Variants in ZFPM2 observed in about 807,000 individuals in gnomAD.
ZFPM2 encodes the protein zinc finger protein, FOG family member 2.
Under a neutral mutation model 98.6 loss-of-function variants are expected in ZFPM2, and 20 were observed. The observed-to-expected ratio is 0.20, with a 90% CI of 0.14 to 0.29. The LOEUF (loss-of-function observed/expected upper bound fraction) is 0.29. Among genes scored for constraint, ZFPM2 ranks in the 10% least tolerant of loss-of-function variants. The probability of loss-of-function intolerance (pLI) is 1.00; values close to 1 mark genes in which losing one functional copy is unlikely to be tolerated. For synonymous variants in ZFPM2, 518 were observed against 502.7 expected (o/e 1.03, Z -0.41); for missense variants, 1,310 against 1,388.6 (o/e 0.94, Z 0.90).
At chr8:105,775,000 A>G (rs1296046161) in intron 5 of ZFPM2, among the ~76,000 whole-genome samples, 8 of 151,268 alleles carry the variant, frequency 5.3e-5, no homozygotes, top group Non-Finnish European at 1.0e-4. Context: ...GGATCCACCC[A>G]GCCCTTCACT....
At chr8:105,743,329 C>T (rs1451333977) in intron 5 of ZFPM2, among the ~76,000 whole-genome samples, 2 of 151,866 alleles carry the variant, frequency 1.3e-5, no homozygotes, top group African/African-American at 2.4e-5. Flanking sequence ...AGGATCAGAC[C>T]ATGGGGGTGA....
chr8:105,543,956 GA>G (rs1814636752), intron 3 of ZFPM2, among the ~76,000 whole-genome samples: 1 of 152,134 alleles, frequency 6.6e-6, no homozygotes, highest in Non-Finnish European at 1.5e-5. Flanking sequence ...TATTCTGATG[GA>G]CGTTAGTGGG....
intron 3 of ZFPM2, among the ~76,000 whole-genome samples, chr8:105,511,160 C>T (rs1813810307): frequency 6.6e-6 from 1 of 152,244 alleles, no homozygotes; most frequent in Admixed American, 6.5e-5. Context: ...TAGGAAGTCT[C>T]TATTGTTGAT....
chr8:105,549,368 T>C (rs192930769), intron 3 of ZFPM2, among the ~76,000 whole-genome samples: 11 of 152,284 alleles, frequency 7.2e-5, no homozygotes, highest in Non-Finnish European at 1.6e-4. Flanking sequence ...TAGTTTGCAG[T>C]AGCTATGTAC....
At chr8:105,489,811 C>T (rs1275251179) in intron 3 of ZFPM2, among the ~76,000 whole-genome samples, 1 of 151,938 alleles carries the variant, frequency 6.6e-6, no homozygotes, top group Admixed American at 6.6e-5. Flanking sequence ...TAACTAAAAT[C>T]ATAAGAAATT....
intron 1 of ZFPM2, among the ~76,000 whole-genome samples, chr8:105,375,836 T>G (rs1047950782): frequency 3.3e-5 from 5 of 152,208 alleles, no homozygotes. Context: ...AAGGGTTTGC[T>G]GTGGTTTATC....
At chr8:105,654,889 C>T (rs1226267450) in intron 5 of ZFPM2, among the ~76,000 whole-genome samples, 1 of 152,070 alleles carries the variant, frequency 6.6e-6, no homozygotes. Context: ...TTTTCTTCAC[C>T]CCATTAAATA....
intron 3 of ZFPM2, among the ~76,000 whole-genome samples, chr8:105,544,297 G>A (rs748080097): frequency 2.6e-5 from 4 of 152,000 alleles, no homozygotes; most frequent in Admixed American, 6.6e-5. Flanking sequence ...ATATATTTAC[G>A]ACTAACAGTA....
chr8:105,746,654 A>ATT lies in ZFPM2; in HGVS notation c.533-42064_533-42063insTT, dbSNP rs1563546914. Among the ~76,000 whole-genome samples the ATT allele has an allele frequency of 1.5e-3, 163 of 112,000 alleles. 7 individuals are homozygous for ATT. The highest frequency in any genetic ancestry group is 6.4e-3 in the South Asian group (19 of 2,984). 73.5% of individuals were successfully genotyped at this position (112,000 alleles called of 152,430 possible). On this transcript the variant is annotated intron_variant, in intron 5 of 7. Transcript: ENST00000407775. ...TGCGTTTTCTTGTTCTGTTTTTAAA[A>ATT]ATTTTTTTTTTTTTTTTTTTTTTGG...
At chr8:105,611,985 C>T (rs1171781817) in intron 4 of ZFPM2, among the ~76,000 whole-genome samples, 2 of 152,114 alleles carry the variant, frequency 1.3e-5, no homozygotes, top group Non-Finnish European at 2.9e-5. Context: ...AGGCATGAGC[C>T]ACCACGCCCA....
intron 1 of ZFPM2, among the ~76,000 whole-genome samples, chr8:105,321,748 G>A (rs935569436): frequency 3.9e-5 from 6 of 152,132 alleles, no homozygotes; most frequent in Non-Finnish European, 7.4e-5. Context: ...AATTTGCTAT[G>A]ATGACTGGCC....
intron 1 of ZFPM2, among the ~76,000 whole-genome samples, chr8:105,401,726 C>T (rs1164063490): frequency 6.6e-6 from 1 of 152,104 alleles, no homozygotes; most frequent in Non-Finnish European, 1.5e-5. Context: ...ATATCACTTA[C>T]ACTTTTTATG....
intron 5 of ZFPM2, among the ~76,000 whole-genome samples, chr8:105,718,576 G>T (rs1288396227): frequency 1.3e-5 from 2 of 151,952 alleles, no homozygotes; most frequent in Non-Finnish European, 2.9e-5. Flanking sequence ...CTAATTGAAT[G>T]CCAGGGATTA....
intron 3 of ZFPM2, among the ~76,000 whole-genome samples, chr8:105,517,926 T>C (rs1813971837): frequency 6.6e-6 from 1 of 152,000 alleles, no homozygotes; most frequent in East Asian, 1.9e-4. Context: ...AAACAAAAGA[T>C]CCATTCTCTT....
chr8:105,667,645 A>G (rs6469008), intron 5 of ZFPM2, among the ~76,000 whole-genome samples: 6,802 of 152,234 alleles, frequency 0.045, 530 homozygotes, highest in African/African-American at 0.15. Flanking sequence ...GGTTTTCTAC[A>G]TAGAGTTCAA....
intron 3 of ZFPM2, among the ~76,000 whole-genome samples, chr8:105,531,654 A>G (rs1438043897): frequency 6.6e-6 from 1 of 152,164 alleles, no homozygotes; most frequent in Non-Finnish European, 1.5e-5. Context: ...AACCTATAGT[A>G]CCTCTGAAAG....
At chr8:105,466,156 A>G (rs151008897) in intron 3 of ZFPM2, among the ~76,000 whole-genome samples, 1 of 152,134 alleles carries the variant, frequency 6.6e-6, no homozygotes, top group African/African-American at 2.4e-5. Context: ...ATATTTTAAT[A>G]TGAATGCATT....
At chr8:105,562,106 G>A (rs1352734950) in intron 4 of ZFPM2, among the ~76,000 whole-genome samples, 1 of 151,948 alleles carries the variant, frequency 6.6e-6, no homozygotes, top group Non-Finnish European at 1.5e-5. Flanking sequence ...AGGAGTTCGA[G>A]ACCAGCTTGG....
At chr8:105,621,492 T>C (rs1290231103) in intron 4 of ZFPM2, among the ~76,000 whole-genome samples, 1 of 152,180 alleles carries the variant, frequency 6.6e-6, no homozygotes, top group African/African-American at 2.4e-5. Flanking sequence ...TTTGACTTCC[T>C]CTTGTCCTAA....
Sources: allele counts gnomAD v4.1 joint callset (sites outside exome capture counted in the v4.1 genomes callset), GRCh38; gene constraint gnomAD v4.1.1; transcripts MANE v1.5; gene names NCBI Gene and HGNC (gene_info 2026-07-23, HGNC 2026-07-21).